The following MAGI1 variants were observed in gnomAD, a reference collection of about 807,000 sequenced individuals.
The protein encoded by MAGI1 is membrane associated guanylate kinase, WW and PDZ domain containing 1, also known as membrane-associated guanylate kinase, WW and PDZ domain-containing protein 1.
Under a neutral mutation model 139.9 loss-of-function variants are expected in MAGI1, and 58 were observed. The ratio of observed to expected loss-of-function variants is 0.41; its 90% CI spans 0.34 to 0.52. The LOEUF is 0.52. MAGI1 is among the 20% of genes least tolerant of loss of function. MAGI1 has a pLI of 0.12. For synonymous variants in MAGI1, 812 were observed against 737.9 expected, an observed-to-expected ratio of 1.10 and a Z score of -1.63; for missense variants, 1,874 against 1,901.6, an observed-to-expected ratio of 0.99 and a Z score of 0.27.
rs1180285797 is a variant in MAGI1, at chr3:65,363,600, A to C, written c.3360T>G (p.Asp1120Glu). The stretch of plus-strand genomic sequence containing the variant: ...CTCTTTCCAGTTCCACAGTGTAAAA[A>C]TCTTGCTCCTATTTAAAGAAATTAA... Reference protein sequence around the residue: ...FKAPQATQEQDFYTVELERGA... With the variant: ...FKAPQATQEQEFYTVELERGA... Residue 1120 changes from aspartate to glutamate, a missense_variant, in exon 21 of 23, where the codon GAT becomes GAG. Around this residue, in one of 5 missense-constraint regions of MAGI1, gnomAD observed 653 missense variants for 644.5 expected, o/e 1.01. Coordinates refer to ENST00000402939, the MANE Select transcript of MAGI1 (RefSeq NM_001033057.2). The C allele has an allele frequency of 6.2e-7, 1 of 1,613,082 alleles. No individual in the cohort carries two copies. The highest frequency in any genetic ancestry group is 8.5e-7 in the Non-Finnish European group (1 of 1,179,692).
intron 1 of MAGI1, among the ~76,000 whole-genome samples, chr3:65,963,426 G>A (rs894513953): frequency 3.3e-5 from 5 of 151,880 alleles, no homozygotes; most frequent in South Asian, 4.1e-4. Context: ...GACCATCCTG[G>A]CCAACATGGT....
At chr3:65,461,927 T>G (rs1278348565) in intron 5 of MAGI1, among the ~76,000 whole-genome samples, 3 of 152,264 alleles carry the variant, frequency 2.0e-5, no homozygotes, top group Non-Finnish European at 4.4e-5. Context: ...TGTCTTCTTT[T>G]GAAAAGTGTC....
chr3:65,917,374 T>C lies in MAGI1; in HGVS notation c.313+120622A>G, dbSNP rs545069395. Among the ~76,000 whole-genome samples, 19 of 152,344 alleles carry C rather than the reference T, an allele frequency of 1.2e-4. 1 individual carries two copies. In the South Asian group the frequency reaches 3.3e-3, roughly 27 times the overall value. On this transcript the variant is annotated intron_variant, in intron 1 of 22. Transcript: ENST00000402939. ...GGGAATGCAAAATTATATTGCCACTTTGGAAGACAGTTTGGCAGTTTCTTA... is the reference window on the plus strand; with the variant it reads ...GGGAATGCAAAATTATATTGCCACTCTGGAAGACAGTTTGGCAGTTTCTTA...
chr3:65,728,176 G>T (rs543146927), intron 1 of MAGI1, among the ~76,000 whole-genome samples: 7 of 152,300 alleles, frequency 4.6e-5, no homozygotes, highest in African/African-American at 1.7e-4. Context: ...CCATGAGAAG[G>T]CATCAGTCAA....
intron 1 of MAGI1, among the ~76,000 whole-genome samples, chr3:65,649,216 T>TA (rs888824984): frequency 2.0e-5 from 3 of 151,746 alleles, no homozygotes; most frequent in African/African-American, 7.3e-5. Context: ...CCCCAATCTC[T>TA]AAAAAAATAC....
chr3:65,854,763 C>T (rs997799669), intron 1 of MAGI1, among the ~76,000 whole-genome samples: 2 of 152,234 alleles, frequency 1.3e-5, no homozygotes, highest in African/African-American at 2.4e-5. Context: ...AGCACCATGA[C>T]TCGCAGTTCC....
intron 1 of MAGI1, among the ~76,000 whole-genome samples, chr3:65,950,064 A>G (rs2063731873): frequency 4.5e-5 from 1 of 22,370 alleles, no homozygotes; most frequent in Non-Finnish European, 1.9e-4. Flanking sequence ...AAAAACAAAA[A>G]AACAAAAAAA....
chr3:65,572,381 G>A lies in MAGI1; in HGVS notation c.430+49591C>T, dbSNP rs552712702. Among the ~76,000 whole-genome samples the A allele has an allele frequency of 7.0e-4, 106 of 152,252 alleles. No individual in the cohort carries two copies. In the Middle Eastern group the frequency reaches 0.017, roughly 24 times the overall value. Reference sequence around the variant, plus strand: ...CAGGAACTAGGAACAAGCAAATGGTGTTAAAGGGAAAGAAAGCCAGCCAAT... The same window carrying A: ...CAGGAACTAGGAACAAGCAAATGGTATTAAAGGGAAAGAAAGCCAGCCAAT... On this transcript the variant is annotated intron_variant, in intron 2 of 22. Coordinates refer to ENST00000402939, the MANE Select transcript of MAGI1 (RefSeq NM_001033057.2).
chr3:65,814,806 T>A (rs1391925368), intron 1 of MAGI1, among the ~76,000 whole-genome samples: 1 of 152,194 alleles, frequency 6.6e-6, no homozygotes, highest in African/African-American at 2.4e-5. Flanking sequence ...TCTATAGTGA[T>A]TTGATTTGAT....
intron 1 of MAGI1, among the ~76,000 whole-genome samples, chr3:65,774,825 C>T (rs921833898): frequency 2.0e-5 from 3 of 152,184 alleles, no homozygotes; most frequent in South Asian, 2.1e-4. Flanking sequence ...CTAAGATACA[C>T]TAACTCGCCT....
chr3:65,776,052 C>A (rs1361458484), intron 1 of MAGI1, among the ~76,000 whole-genome samples: 1 of 152,006 alleles, frequency 6.6e-6, no homozygotes, highest in Non-Finnish European at 1.5e-5. Context: ...ACTTAGTGTG[C>A]CCCAAATCTA....
intron 2 of MAGI1, among the ~76,000 whole-genome samples, chr3:65,519,421 T>C (rs1448001116): frequency 6.6e-6 from 1 of 151,934 alleles, no homozygotes; most frequent in Non-Finnish European, 1.5e-5. Context: ...AGTCTTGCTC[T>C]GTTGCCCAGG....
intron 1 of MAGI1, among the ~76,000 whole-genome samples, chr3:65,661,016 T>C (rs1422041391): frequency 6.6e-6 from 1 of 152,204 alleles, no homozygotes; most frequent in Non-Finnish European, 1.5e-5. Flanking sequence ...TGAATACTAA[T>C]TTTCTAAAGT....
chr3:65,490,523 T>A (rs977425787), intron 3 of MAGI1, among the ~76,000 whole-genome samples: 1 of 152,082 alleles, frequency 6.6e-6, no homozygotes, highest in Non-Finnish European at 1.5e-5. Context: ...AGAGTCAATA[T>A]AATATACTCT....
In MAGI1 at chr3:65,957,535, GA is replaced by G. The variant is rs1267498020; in HGVS notation, c.313+80460del. 4.0e-3 allele frequency among the ~76,000 whole-genome samples: 355 copies of G among 88,568 alleles called. 4 individuals carry two copies. Among genetic ancestry groups the G allele is most frequent in the Middle Eastern group, 0.033 (5 of 152 alleles). 58.1% of individuals were successfully genotyped at this position (88,568 alleles called of 152,430 possible). On this transcript the variant is annotated intron_variant, in intron 1 of 22. Transcript: ENST00000402939. Reference sequence around the variant, plus strand: ...GACTTCATCTCAAAAAAAAAAAAAAGAAAAAGAAAAGAAAAAGGAATGAACT... The same window carrying G: ...GACTTCATCTCAAAAAAAAAAAAAAGAAAAGAAAAGAAAAAGGAATGAACT...
intron 1 of MAGI1, among the ~76,000 whole-genome samples, chr3:65,855,648 G>A (rs985642750): frequency 3.8e-5 from 1 of 26,198 alleles, no homozygotes; most frequent in East Asian, 1.1e-3. Context: ...GAGAAACAGA[G>A]AGAGAGAAAG....
intron 1 of MAGI1, among the ~76,000 whole-genome samples, chr3:65,701,778 T>C (rs1576799896): frequency 2.0e-5 from 3 of 152,278 alleles, no homozygotes; most frequent in East Asian, 1.9e-4. Flanking sequence ...ATCACAGCTG[T>C]ACATTTCTAA....
chr3:65,864,035 CTTTTT>C (rs1453364986), intron 1 of MAGI1, among the ~76,000 whole-genome samples: 1 of 151,980 alleles, frequency 6.6e-6, no homozygotes. Flanking sequence ...GAATATTTCT[CTTTTT>C]TATTTGTAAA....
intron 1 of MAGI1, among the ~76,000 whole-genome samples, chr3:65,800,232 A>G (rs1043701357): frequency 6.6e-6 from 1 of 152,142 alleles, no homozygotes; most frequent in African/African-American, 2.4e-5. Context: ...GCTAATCCTG[A>G]TCATCAGCTT....
Sources: gnomAD v4.1 joint callset for allele counts (sites outside exome capture counted in the v4.1 genomes callset) on GRCh38, gnomAD v4.1.1 for gene constraint, gnomAD v4.1.1 regional missense constraint, MANE v1.5 for transcripts, NCBI Gene and HGNC (gene_info 2026-07-23, HGNC 2026-07-21) for gene names.